SEMA3C: variants seen among roughly 807,000 people sequenced by gnomAD.
SEMA3C encodes the protein semaphorin-3C.
In SEMA3C, 47 loss-of-function variants were observed where a neutral mutation model predicts 89.4. That is an observed-to-expected ratio of 0.53 (90% CI 0.42 to 0.67). SEMA3C has a LOEUF of 0.67. Among genes scored for constraint, SEMA3C ranks in the 30% least tolerant of loss-of-function variants. The pLI is 0.00. For missense variants in SEMA3C, 839 were observed against 929.1 expected, an observed-to-expected ratio of 0.90 and a Z score of 1.26; for synonymous variants, 310 against 320.2, an observed-to-expected ratio of 0.97 and a Z score of 0.34.
At chr7:80,843,632 C>T (rs572011588) in intron 2 of SEMA3C, among the ~76,000 whole-genome samples, 7 of 152,174 alleles carry the variant, frequency 4.6e-5, no homozygotes, top group Admixed American at 4.6e-4. Context: ...GGTAGTCTAG[C>T]CATGCAAAGA....
chr7:80,889,478 A>C (rs917178115), intron 2 of SEMA3C, among the ~76,000 whole-genome samples: 1 of 152,178 alleles, frequency 6.6e-6, no homozygotes, highest in African/African-American at 2.4e-5. Flanking sequence ...GTATTACAAC[A>C]CATTCCTGTG....
intron 15 of SEMA3C, among the ~76,000 whole-genome samples, chr7:80,752,315 AATTTAGTTAC>A (rs573244905): frequency 2.6e-5 from 4 of 152,112 alleles, no homozygotes; most frequent in Admixed American, 1.3e-4. Flanking sequence ...GCATTTCAAA[AATTTAGTTAC>A]ATTGGGCCAG....
rs780565511 is a variant in SEMA3C, at chr7:80,916,733, T to G, written c.49A>C (p.Ile17Leu). ...CVLVGVFICS[I>L]CVKGSSQPQA... ...GGCTGGGAAGATCCTTTCACACAGA[T>G]AGAACAAATAAATACTCCAACCAAC... Residue 17 changes from isoleucine (I) to leucine (L), a missense_variant, in exon 2 of 18, where the codon ATC (isoleucine) becomes CTC (leucine). Coordinates refer to ENST00000265361, the MANE Select transcript of SEMA3C (RefSeq NM_006379.5). 1.2e-6 allele frequency: 2 copies of G among 1,613,782 alleles called. No individual in the cohort carries two copies. Among genetic ancestry groups the G allele is most frequent in the African/African-American group, 1.3e-5 (1 of 75,026 alleles).
intron 4 of SEMA3C, among the ~76,000 whole-genome samples, chr7:80,823,798 C>T (rs181191923): frequency 2.6e-5 from 4 of 151,994 alleles, no homozygotes; most frequent in East Asian, 1.9e-4. Context: ...ATCCATTAAG[C>T]CCTATTTCAT....
At chr7:80,837,892 G>T (rs1052792779) in intron 2 of SEMA3C, among the ~76,000 whole-genome samples, 1 of 152,102 alleles carries the variant, frequency 6.6e-6, no homozygotes, top group Non-Finnish European at 1.5e-5. Flanking sequence ...TGGGGTAGGG[G>T]ACTACACTAT....
At chr7:80,788,396 T>C (rs1788852896) in intron 12 of SEMA3C, among the ~76,000 whole-genome samples, 1 of 152,210 alleles carries the variant, frequency 6.6e-6, no homozygotes. Context: ...GTGAAAGACG[T>C]GAGTAGTGGT....
In SEMA3C at chr7:80,763,800, G is replaced by GA. The variant is rs3840547; in HGVS notation, c.1443+1354dup. Among the ~76,000 whole-genome samples the GA allele has an allele frequency of 3.6e-3, 545 of 151,660 alleles. 3 individuals are homozygous for GA. Among genetic ancestry groups the GA allele is most frequent in the African/African-American group, 0.012 (514 of 41,408 alleles). ...AAGTTCTCCCTACTGAGTTGAATGA[G>GA]AAAAAAAATATGTTCTATATAATGT... is the stretch of plus-strand genomic sequence containing the variant. On this transcript the variant is annotated intron_variant, in intron 13 of 17. Transcript: ENST00000265361.
chr7:80,883,788 A>AGCACATCTTTAAATCATGAGCAAAAAAAG (rs1791408770), intron 2 of SEMA3C, among the ~76,000 whole-genome samples: 2 of 152,212 alleles, frequency 1.3e-5, no homozygotes, highest in Non-Finnish European at 2.9e-5. Context: ...AGCAAAAAAA[A>AGCACATCTTTAAATCATGAGCAAAAAAAG]TGAGCACATC....
At chr7:80,811,177 A>G in intron 5 of SEMA3C, among the ~76,000 whole-genome samples, 1 of 152,300 alleles carries the variant, frequency 6.6e-6, no homozygotes, top group Middle Eastern at 3.4e-3. Flanking sequence ...AAAATAATTC[A>G]TAATTCATAT....
chr7:80,909,324 T>A (rs1220971757), intron 2 of SEMA3C, among the ~76,000 whole-genome samples: 3 of 152,170 alleles, frequency 2.0e-5, no homozygotes, highest in African/African-American at 7.2e-5. Context: ...ATTACATTGC[T>A]GTAACTCCCT....
intron 2 of SEMA3C, among the ~76,000 whole-genome samples, chr7:80,887,871 T>A (rs1427900568): frequency 6.6e-6 from 1 of 152,170 alleles, no homozygotes; most frequent in Admixed American, 6.5e-5. Flanking sequence ...TTATATTATC[T>A]TAGACATCTC....
chr7:80,861,299 A>C (rs1790765295), intron 2 of SEMA3C, among the ~76,000 whole-genome samples: 1 of 152,158 alleles, frequency 6.6e-6, no homozygotes, highest in African/African-American at 2.4e-5. Flanking sequence ...TAGTTCTGAA[A>C]ACTTACTATA....
intron 17 of SEMA3C, 88 bp downstream of exon 17, chr7:80,748,810 T>A (rs1787856838): frequency 1.5e-6 from 2 of 1,335,440 alleles, no homozygotes; most frequent in East Asian, 4.9e-5. Context: ...GCCTTTCCTT[T>A]TTCCTTTGAT....
chr7:80,838,712 A>G (rs1378955043), intron 2 of SEMA3C, among the ~76,000 whole-genome samples: 1 of 152,160 alleles, frequency 6.6e-6, no homozygotes, highest in Non-Finnish European at 1.5e-5. Context: ...GGCAAAGGGA[A>G]AGCAAAGCTC....
At chr7:80,899,067 G>A (rs1474537107) in intron 2 of SEMA3C, among the ~76,000 whole-genome samples, 3 of 152,140 alleles carry the variant, frequency 2.0e-5, no homozygotes, top group African/African-American at 7.2e-5. Context: ...TTGAGACAGA[G>A]TCTCGCTCTG....
In SEMA3C at chr7:80,909,037, G is replaced by A. The variant is rs767176461; in HGVS notation, c.103+7642C>T. On this transcript the variant is annotated intron_variant, in intron 2 of 17. Transcript: ENST00000265361. ...GTATACACTTAGGAAAGACTAAAAC[G>A]GTATTCAAATATAATGTAATTTTAC... Among the ~76,000 whole-genome samples the A allele has an allele frequency of 3.0e-4, 45 of 151,998 alleles. 1 individual carries two copies. The highest frequency in any genetic ancestry group is 6.8e-3 in the Middle Eastern group (2 of 294).
chr7:80,876,918 C>G (rs146928508), intron 2 of SEMA3C, among the ~76,000 whole-genome samples: 155 of 152,290 alleles, frequency 1.0e-3, no homozygotes, highest in Admixed American at 3.7e-3. Flanking sequence ...GCATTGCTCC[C>G]AGCAGTTCTC....
At chr7:80,799,812 C>T (rs996412231) in intron 10 of SEMA3C, among the ~76,000 whole-genome samples, 8 of 151,038 alleles carry the variant, frequency 5.3e-5, no homozygotes, top group Non-Finnish European at 1.0e-4. Flanking sequence ...TGAGATCATG[C>T]CATTGCACTC....
chr7:80,866,711 A>G lies in SEMA3C; in HGVS notation c.104-37966T>C, dbSNP rs77481024. On this transcript the variant is annotated intron_variant, in intron 2 of 17. Coordinates refer to ENST00000265361, the MANE Select transcript of SEMA3C (RefSeq NM_006379.5). ...AGAGCTCATTCCCAGAGCTTCTTACAACTTAATAGTAATTTTAAAAAAATC... is the reference window on the plus strand; with the variant it reads ...AGAGCTCATTCCCAGAGCTTCTTACGACTTAATAGTAATTTTAAAAAAATC... Among the ~76,000 whole-genome samples the G allele has an allele frequency of 8.5e-3, 1,288 of 152,292 alleles. 55 individuals are homozygous for G. The East Asian group carries it at 0.13, about 15-fold the overall frequency.
Sources: allele counts gnomAD v4.1 joint callset (sites outside exome capture counted in the v4.1 genomes callset), GRCh38; gene constraint gnomAD v4.1.1; transcripts MANE v1.5; gene names NCBI Gene and HGNC (gene_info 2026-07-23, HGNC 2026-07-21).